Variants in PPP4R3B observed in about 807,000 individuals in gnomAD.
The protein encoded by PPP4R3B is protein phosphatase 4 regulatory subunit 3B.
In PPP4R3B, 52 loss-of-function variants were observed where a neutral mutation model predicts 95.4. That is an observed-to-expected ratio of 0.54 (90% CI 0.44 to 0.69). PPP4R3B has a LOEUF of 0.69. PPP4R3B is among the 30% of genes least tolerant of loss of function. The pLI is 0.00. For missense variants in PPP4R3B, 1,003 were observed against 1,005.9 expected, an observed-to-expected ratio of 1.00 and a Z score of 0.04; for synonymous variants, 407 against 343.9, an observed-to-expected ratio of 1.18 and a Z score of -2.03.
intron 16 of PPP4R3B, among the ~76,000 whole-genome samples, chr2:55,557,161 A>G (rs1019253514): frequency 6.6e-6 from 1 of 152,176 alleles, no homozygotes; most frequent in Non-Finnish European, 1.5e-5. Flanking sequence ...AAAGAGGCAG[A>G]GCCAAGGTTT....
intron 4 of PPP4R3B, among the ~76,000 whole-genome samples, chr2:55,596,832 C>T (rs1162089888): frequency 2.0e-5 from 3 of 152,168 alleles, no homozygotes; most frequent in Non-Finnish European, 2.9e-5. Context: ...AGTGTGGTGG[C>T]GTGTGCCTGT....
intron 2 of PPP4R3B, among the ~76,000 whole-genome samples, chr2:55,607,816 T>C (rs1693628900): frequency 6.6e-6 from 1 of 152,178 alleles, no homozygotes; most frequent in African/African-American, 2.4e-5. Flanking sequence ...CTATAGATAG[T>C]ACTATCTACA....
At chr2:55,592,211 G>A (rs950307737) in intron 4 of PPP4R3B, among the ~76,000 whole-genome samples, 1 of 152,198 alleles carries the variant, frequency 6.6e-6, no homozygotes, top group Non-Finnish European at 1.5e-5. Flanking sequence ...TACAGAGACT[G>A]TCAAGTCCAA....
intron 7 of PPP4R3B, among the ~76,000 whole-genome samples, chr2:55,582,417 C>T (rs1045966568): frequency 1.3e-5 from 2 of 152,140 alleles, no homozygotes; most frequent in Non-Finnish European, 2.9e-5. Context: ...CCATGCCTGA[C>T]TAATTTTTGT....
At chr2:55,615,993 T>C (rs1694871225) in intron 1 of PPP4R3B, among the ~76,000 whole-genome samples, 1 of 143,194 alleles carries the variant, frequency 7.0e-6, no homozygotes, top group Admixed American at 7.4e-5. Flanking sequence ...AAATCTAGGC[T>C]TCACATTTAA....
At chr2:55,564,832 G>A in intron 14 of PPP4R3B, 70 bp downstream of exon 14, 1 of 1,553,766 alleles carries the variant, frequency 6.4e-7, no homozygotes, top group Non-Finnish European at 8.7e-7. Context: ...ATTTCACATG[G>A]AAAATCTGAA....
At chr2:55,576,729 A>ACTACAG (rs1688732021) in intron 11 of PPP4R3B, among the ~76,000 whole-genome samples, 1 of 152,176 alleles carries the variant, frequency 6.6e-6, no homozygotes, top group Non-Finnish European at 1.5e-5. Context: ...AAAACAATGA[A>ACTACAG]CTACAGTGTT....
rs144058201 is a variant in PPP4R3B, at chr2:55,596,799, C to A, written c.921+1617G>T. On this transcript the variant is annotated intron_variant, in intron 4 of 16. Transcript: ENST00000616407. ...CCAACATGGTGAAACCCTGTTTCTA[C>A]TAAAAATACAAAAAATTAGTCGAGT... Among the ~76,000 whole-genome samples the A allele has an allele frequency of 2.6e-4, 39 of 152,096 alleles. No individual in the cohort carries two copies. In the East Asian group the frequency reaches 7.6e-3, roughly 30 times the overall value.
At position 55,591,862 on chromosome 2, in the gene PPP4R3B, T is replaced by A. The variant is rs572233970; in HGVS notation, c.922-2906A>T. ...ATTTATGAAGGAAGCAAATAATCAA[T>A]AACTTAAAGCCTATCATATAGTTGA... On this transcript the variant is annotated intron_variant, in intron 4 of 16. Transcript: ENST00000616407. 2.6e-5 allele frequency among the ~76,000 whole-genome samples: 4 copies of A among 152,342 alleles called. No homozygotes were observed. The East Asian group carries it at 7.7e-4, about 29-fold the overall frequency.
At chr2:55,570,846 G>A (rs1285788024) in intron 12 of PPP4R3B, among the ~76,000 whole-genome samples, 1 of 152,202 alleles carries the variant, frequency 6.6e-6, no homozygotes, top group Non-Finnish European at 1.5e-5. Context: ...TTTTGTGGCA[G>A]GATAAGAAAT....
chr2:55,575,759 T>C (rs1688586454), intron 11 of PPP4R3B, among the ~76,000 whole-genome samples: 1 of 152,084 alleles, frequency 6.6e-6, no homozygotes, highest in South Asian at 2.1e-4. Context: ...TATTAAGCTG[T>C]AAGGAAATTA....
intron 15 of PPP4R3B, among the ~76,000 whole-genome samples, chr2:55,562,573 A>C (rs1686770373): frequency 6.6e-6 from 1 of 152,198 alleles, no homozygotes; most frequent in Non-Finnish European, 1.5e-5. Context: ...TTTCCTGTTA[A>C]GCCTACAGAA....
rs1490346148 is a variant in PPP4R3B, at chr2:55,588,771, T to C, written c.999+108A>G. 6.5e-6 allele frequency: 4 copies of C among 612,630 alleles called. No homozygotes were observed. The East Asian group carries it at 1.1e-4, about 17-fold the overall frequency. The allele number at this position is 612,630 out of a possible 1,614,324, so 37.9% of individuals were successfully genotyped here. A position where few individuals can be genotyped will look rare whatever the true frequency, so the allele number is the denominator to read the frequency against. ...AATTTAAATACATACTTTTCATCTC[T>C]TACTAATCTAATTACAAAAAATTGT... On this transcript the variant is annotated intron_variant, in intron 5 of 16. Transcript: ENST00000616407.
At chr2:55,585,611 C>A (rs1057454952) in intron 6 of PPP4R3B, among the ~76,000 whole-genome samples, 8 of 152,156 alleles carry the variant, frequency 5.3e-5, no homozygotes, top group African/African-American at 1.9e-4. Context: ...CTGTGACTCA[C>A]CTAATAGAGC....
At chr2:55,609,643 C>T (rs1324733380) in intron 2 of PPP4R3B, among the ~76,000 whole-genome samples, 2 of 146,106 alleles carry the variant, frequency 1.4e-5, no homozygotes, top group African/African-American at 2.5e-5. Flanking sequence ...ACTCCAGCCT[C>T]GGCAACAAAG....
At chr2:55,552,734 G>A (rs1363515455) in intron 16 of PPP4R3B, among the ~76,000 whole-genome samples, 1 of 151,980 alleles carries the variant, frequency 6.6e-6, no homozygotes, top group African/African-American at 2.4e-5. Context: ...GTTTTTGCAG[G>A]GTATTTAGGT....
chr2:55,573,873 A>C, intron 11 of PPP4R3B, 96 bp from the exon 12 acceptor site: 9 of 674,512 alleles, frequency 1.3e-5, no homozygotes, highest in Non-Finnish European at 1.9e-5. Context: ...CAAAATCTAA[A>C]CTGTATTTCC....
intron 5 of PPP4R3B, among the ~76,000 whole-genome samples, chr2:55,588,244 T>C (rs992529509): frequency 6.6e-6 from 1 of 152,210 alleles, no homozygotes; most frequent in Admixed American, 6.5e-5. Flanking sequence ...CTAGGCGCAG[T>C]GGCTCACACC....
chr2:55,598,284 T>G, intron 4 of PPP4R3B, 132 bp downstream of exon 4: 1 of 934,130 alleles, frequency 1.1e-6, no homozygotes, highest in South Asian at 1.9e-5. Context: ...TTTTGTTTAC[T>G]TTAAATGTAC....
Sources: allele counts gnomAD v4.1 joint callset (sites outside exome capture counted in the v4.1 genomes callset), GRCh38; gene constraint gnomAD v4.1.1; transcripts MANE v1.5; gene names NCBI Gene and HGNC (gene_info 2026-07-23, HGNC 2026-07-21).